Variants in SLC22A23 observed in about 807,000 individuals in gnomAD.
SLC22A23 encodes the protein solute carrier family 22 member 23, also known as ion transporter protein.
A neutral mutation model predicts 61.0 loss-of-function variants in SLC22A23; 26 were observed. That is an observed-to-expected ratio of 0.43 (90% CI 0.31 to 0.59). The LOEUF is 0.59. SLC22A23 is among the 20% of genes least tolerant of loss of function. The pLI, the probability that SLC22A23 is intolerant of heterozygous loss-of-function variation, is 0.11. For missense variants in SLC22A23, 796 were observed against 934.7 expected (o/e 0.85, Z 1.94); for synonymous variants, 430 against 413.9 (o/e 1.04, Z -0.47).
At chr6:3,379,211 A>G (rs1316615574) in intron 3 of SLC22A23, among the ~76,000 whole-genome samples, 1 of 152,226 alleles carries the variant, frequency 6.6e-6, no homozygotes, top group Non-Finnish European at 1.5e-5. Flanking sequence ...CAACAATTCT[A>G]AAATGTCCTT....
chr6:3,365,099 A>G (rs774907131), intron 3 of SLC22A23, among the ~76,000 whole-genome samples: 8 of 152,204 alleles, frequency 5.3e-5, no homozygotes, highest in Non-Finnish European at 1.0e-4. Flanking sequence ...CAGGCAGATT[A>G]CCTGAGGTCA....
Position 3,322,335 on chromosome 6 carries a change from C to T in SLC22A23, c.1082+1499G>A, listed in dbSNP as rs1763004746. On this transcript the variant is annotated intron_variant, in intron 4 of 9. Coordinates refer to ENST00000406686, the MANE Select transcript of SLC22A23 (RefSeq NM_015482.2). This position sits in a 1 kb window ranked among gnomAD's most constrained non-coding sequence, Gnocchi z 4.1. The stretch of plus-strand genomic sequence containing the variant: ...CAGCTAAGCCCAGCGAAGGCTGCCA[C>T]AAGGGAGGGGGCAGAAAGACTTCCT... Among the ~76,000 whole-genome samples, 1 of 152,208 alleles carries T rather than the reference C, an allele frequency of 6.6e-6. No homozygotes were observed. The highest frequency in any genetic ancestry group is 2.1e-4 in the South Asian group (1 of 4,824).
intron 3 of SLC22A23, among the ~76,000 whole-genome samples, chr6:3,347,522 C>T (rs947341481): frequency 6.6e-6 from 1 of 151,914 alleles, no homozygotes; most frequent in South Asian, 2.1e-4. Flanking sequence ...CAGGGCCCAG[C>T]CATGCAATGA....
At chr6:3,405,035 C>T (rs62391775) in intron 3 of SLC22A23, among the ~76,000 whole-genome samples, 4,358 of 151,540 alleles carry the variant, frequency 0.029, 127 homozygotes, top group Admixed American at 0.069. Context: ...CCGAGGCGGG[C>T]GGATCACGAG....
At chr6:3,439,340 T>C (rs759537186) in intron 1 of SLC22A23, 4 of 434,128 alleles carry the variant, frequency 9.2e-6, no homozygotes, top group South Asian at 6.4e-5. Flanking sequence ...CGATGGATGC[T>C]GGGGTCCTAC....
intron 7 of SLC22A23, among the ~76,000 whole-genome samples, chr6:3,285,839 C>T (rs986282716): frequency 6.6e-6 from 1 of 152,190 alleles, no homozygotes; most frequent in South Asian, 2.1e-4. Flanking sequence ...GCGTCTAGTT[C>T]TGAGAGCCCG....
At chr6:3,350,606 A>G (rs1363764658) in intron 3 of SLC22A23, among the ~76,000 whole-genome samples, 1 of 152,202 alleles carries the variant, frequency 6.6e-6, no homozygotes, top group South Asian at 2.1e-4. Context: ...CCTTTGCAGA[A>G]AACTTGGCCC....
At chr6:3,373,422 T>A (rs895257993) in intron 3 of SLC22A23, among the ~76,000 whole-genome samples, 10 of 152,238 alleles carry the variant, frequency 6.6e-5, no homozygotes, top group African/African-American at 2.2e-4. Flanking sequence ...TACAACTATA[T>A]GCTGAGTGCT....
chr6:3,450,223 T>C (rs1247270255), intron 1 of SLC22A23, among the ~76,000 whole-genome samples: 1 of 152,246 alleles, frequency 6.6e-6, no homozygotes, highest in African/African-American at 2.4e-5. Flanking sequence ...TTTTTAAAAA[T>C]AGATATGCAT....
intron 9 of SLC22A23, chr6:3,282,114 C>T: frequency 1.5e-6 from 1 of 676,736 alleles, no homozygotes; most frequent in Non-Finnish European, 2.7e-6. Context: ...CATAATCATG[C>T]AAAGGCTGCA....
intron 1 of SLC22A23, among the ~76,000 whole-genome samples, chr6:3,446,767 A>G (rs1771915605): frequency 6.6e-6 from 1 of 152,144 alleles, no homozygotes; most frequent in Admixed American, 6.5e-5. Context: ...ATGGGTGGCT[A>G]CAGAGCCCCA....
rs1769109233 is a variant in SLC22A23 at position 3,410,039 on chromosome 6, T to C, written c.913+149A>G. 3.4e-6 allele frequency: 3 copies of C among 876,020 alleles called. No individual in the cohort carries two copies. The highest frequency in any genetic ancestry group is 1.7e-5 in the African/African-American group (1 of 57,608). The allele number at this position is 876,020 out of a possible 1,614,324, so 54.3% of individuals were successfully genotyped here. On this transcript the variant is annotated intron_variant, in intron 3 of 9. Coordinates refer to ENST00000406686, the MANE Select transcript of SLC22A23 (RefSeq NM_015482.2). The surrounding 1 kb of genome is among the most constrained non-coding windows in gnomAD (Gnocchi z 5.0). ...TTCACGGCATCACCTGAAAAGCCTC[T>C]TTCACAACACTTGAGGCCTTTAATG...
rs1413335301 is a variant in SLC22A23 at position 3,297,628 on chromosome 6, A to C, written c.1210+463T>G. Among the ~76,000 whole-genome samples, 1 of 152,146 alleles carries C rather than the reference A, an allele frequency of 6.6e-6. No individual in the cohort carries two copies. Among genetic ancestry groups the C allele is most frequent in the East Asian group, 1.9e-4 (1 of 5,198 alleles). On this transcript the variant is annotated intron_variant, in intron 5 of 9. Coordinates refer to ENST00000406686, the MANE Select transcript of SLC22A23 (RefSeq NM_015482.2). This position sits in a 1 kb window ranked among gnomAD's most constrained non-coding sequence, Gnocchi z 4.3. ...CTATGGATCTGAACGACTATCCAAA[A>C]ACACTTCACCTTTCCTGTCTTCAGC...
In SLC22A23 at chr6:3,414,726, A is replaced by AG. The variant is rs1230208881; in HGVS notation, c.758+1025_758+1026insC. Reference sequence around the variant, plus strand: ...GCCAAGATGTCTCGATTCACCAAAAAAAAAAAAAAAAAAAAAAATCCTTTA... The same window carrying AG: ...GCCAAGATGTCTCGATTCACCAAAAAGAAAAAAAAAAAAAAAAAATCCTTTA... On this transcript the variant is annotated intron_variant, in intron 2 of 9. Coordinates refer to ENST00000406686, the MANE Select transcript of SLC22A23 (RefSeq NM_015482.2). This position sits in a 1 kb window ranked among gnomAD's most constrained non-coding sequence, Gnocchi z 5.1. Among the ~76,000 whole-genome samples, 1 of 151,220 alleles carries AG rather than the reference A, an allele frequency of 6.6e-6. No homozygotes were observed. The highest frequency in any genetic ancestry group is 2.4e-5 in the African/African-American group (1 of 41,110).
At chr6:3,445,024 TG>T (rs1264324665) in intron 1 of SLC22A23, 6 of 972,018 alleles carry the variant, frequency 6.2e-6, no homozygotes, top group East Asian at 1.1e-4. Flanking sequence ...GCCAGGTACG[TG>T]GGGGTGGGGC....
At chr6:3,413,697 T>C (rs543727383) in intron 2 of SLC22A23, among the ~76,000 whole-genome samples, 7 of 152,382 alleles carry the variant, frequency 4.6e-5, no homozygotes, top group African/African-American at 1.7e-4. Flanking sequence ...ATTGTATGAC[T>C]TGATCCACTT....
At chr6:3,356,476 GCCT>G (rs1765112270) in intron 3 of SLC22A23, among the ~76,000 whole-genome samples, 1 of 152,074 alleles carries the variant, frequency 6.6e-6, no homozygotes, top group Admixed American at 6.5e-5. Flanking sequence ...TTCCTCATTT[GCCT>G]GTGAAAATAA....
chr6:3,441,709 C>T (rs1012006024), intron 1 of SLC22A23, among the ~76,000 whole-genome samples: 2 of 152,156 alleles, frequency 1.3e-5, no homozygotes, highest in African/African-American at 4.8e-5. Context: ...CTCGGTTCAC[C>T]CCCCACCCTC....
intron 3 of SLC22A23, among the ~76,000 whole-genome samples, chr6:3,373,855 C>G (rs1018450355): frequency 1.3e-5 from 2 of 152,196 alleles, no homozygotes; most frequent in African/African-American, 4.8e-5. Context: ...ATGGCAGTAA[C>G]AGTGAACAGT....
Sources: allele counts gnomAD v4.1 joint callset (sites outside exome capture counted in the v4.1 genomes callset), GRCh38; gene constraint gnomAD v4.1.1; non-coding constraint Gnocchi (gnomAD v3.1); transcripts MANE v1.5; gene names NCBI Gene and HGNC (gene_info 2026-07-23, HGNC 2026-07-21).